MACROD2: variants seen among roughly 807,000 people sequenced by gnomAD.
MACROD2 encodes mono-ADP ribosylhydrolase 2.
A neutral mutation model predicts 70.4 loss-of-function variants in MACROD2; 36 were observed. That is an observed-to-expected ratio of 0.51 (90% confidence interval 0.39 to 0.68). The LOEUF (loss-of-function observed/expected upper bound fraction) is 0.68. Ranked by LOEUF, MACROD2 falls within the 30% of genes least tolerant of loss-of-function variation. The pLI is 0.00. For synonymous variants in MACROD2, 172 were observed against 178.8 expected (o/e 0.96, Z 0.30); for missense variants, 496 against 538.4 (o/e 0.92, Z 0.78).
intron 8 of MACROD2, among the ~76,000 whole-genome samples, chr20:15,814,953 C>G (rs1179804221): frequency 6.7e-6 from 1 of 150,102 alleles, no homozygotes; most frequent in Non-Finnish European, 1.5e-5. Flanking sequence ...TAATTATGTC[C>G]AGAAGAATGG....
At chr20:14,831,544 C>G (rs556033575) in intron 5 of MACROD2, among the ~76,000 whole-genome samples, 1 of 151,444 alleles carries the variant, frequency 6.6e-6, no homozygotes, top group Admixed American at 6.6e-5. Flanking sequence ...TTTGGGAGGC[C>G]GAGGAGGGTG....
intron 4 of MACROD2, among the ~76,000 whole-genome samples, chr20:14,638,960 A>G (rs1984944000): frequency 6.6e-6 from 1 of 152,054 alleles, no homozygotes; most frequent in African/African-American, 2.4e-5. Context: ...AAAAAAAAAA[A>G]AAAAAGAAAG....
rs544223128 is a variant in MACROD2, at chr20:14,915,871, T to G, written c.418+230912T>G. ...CTTGATGAAGGAGCAGCTTCAGAAA[T>G]TGTGTGCATCTGATGGAGGTTTGGC... On this transcript the variant is annotated intron_variant, in intron 5 of 17. Transcript: ENST00000684519. 2.0e-5 allele frequency among the ~76,000 whole-genome samples: 3 copies of G among 152,054 alleles called. No individual in the cohort carries two copies. The East Asian group carries it at 5.8e-4, about 29-fold the overall frequency.
chr20:14,579,733 A>G (rs1980882805), intron 4 of MACROD2, among the ~76,000 whole-genome samples: 1 of 152,220 alleles, frequency 6.6e-6, no homozygotes, highest in African/African-American at 2.4e-5. Context: ...GTATTTCAAA[A>G]TCTACTTTGC....
chr20:15,878,781 T>A (rs1269336932), intron 9 of MACROD2, among the ~76,000 whole-genome samples: 1 of 152,136 alleles, frequency 6.6e-6, no homozygotes, highest in Non-Finnish European at 1.5e-5. Context: ...GTGAAATCAA[T>A]GTTATAGAGC....
intron 8 of MACROD2, among the ~76,000 whole-genome samples, chr20:15,686,100 G>A (rs747521618): frequency 1.1e-4 from 16 of 152,162 alleles, no homozygotes; most frequent in Non-Finnish European, 2.4e-4. Context: ...TGATGAGTTG[G>A]CCCAAAGACA....
intron 5 of MACROD2, among the ~76,000 whole-genome samples, chr20:14,786,650 C>G (rs2072378292): frequency 6.6e-6 from 1 of 151,836 alleles, no homozygotes; most frequent in Admixed American, 6.6e-5. Context: ...CTCTTAAAAG[C>G]AAAAACTAGA....
intron 5 of MACROD2, among the ~76,000 whole-genome samples, chr20:15,169,005 A>T: frequency 6.6e-6 from 1 of 152,162 alleles, no homozygotes; most frequent in Non-Finnish European, 1.5e-5. Flanking sequence ...GGCTGGAGAG[A>T]CAGAATAATG....
chr20:15,341,046 C>G lies in MACROD2; in HGVS notation c.541-90359C>G, dbSNP rs145192087. 3.2e-3 allele frequency among the ~76,000 whole-genome samples: 480 copies of G among 152,176 alleles called. 1 individual carries two copies. The highest frequency in any genetic ancestry group is 0.01 in the African/African-American group (435 of 41,528). ...TGGGCTTCTTCTATAAATAGCTGAT[C>G]CCATATATTATGGAAAGAGAGGTTA... is the stretch of plus-strand genomic sequence containing the variant. On this transcript the variant is annotated intron_variant, in intron 6 of 17. Transcript: ENST00000684519.
chr20:15,152,697 C>T (rs1321266358), intron 5 of MACROD2, among the ~76,000 whole-genome samples: 8 of 151,976 alleles, frequency 5.3e-5, no homozygotes, highest in African/African-American at 1.2e-4. Context: ...TGGGACTTGC[C>T]GCTAAGGGTG....
At chr20:15,291,801 C>G (rs1286102597) in intron 6 of MACROD2, among the ~76,000 whole-genome samples, 2 of 152,054 alleles carry the variant, frequency 1.3e-5, no homozygotes, top group South Asian at 2.1e-4. Context: ...ACATATAAAT[C>G]ATCTTTGTTT....
intron 5 of MACROD2, among the ~76,000 whole-genome samples, chr20:14,805,204 G>A (rs912022346): frequency 6.6e-6 from 1 of 151,978 alleles, no homozygotes; most frequent in Non-Finnish European, 1.5e-5. Context: ...GTTGGTTGCT[G>A]GATGCTTTCT....
chr20:15,459,856 T>C (rs1217633744), intron 7 of MACROD2, among the ~76,000 whole-genome samples: 2 of 152,096 alleles, frequency 1.3e-5, no homozygotes, highest in African/African-American at 2.4e-5. Flanking sequence ...CCAAATTTTC[T>C]TTTGGGGGCC....
At position 14,481,094 on chromosome 20, in the gene MACROD2, CAT is replaced by C. The variant is rs146934121; in HGVS notation, c.272-12380_272-12379del. Among the ~76,000 whole-genome samples, 1,135 of 152,104 alleles carry C rather than the reference CAT, an allele frequency of 7.5e-3. 6 individuals carry two copies. The highest frequency in any genetic ancestry group is 0.024 in the African/African-American group (1,015 of 41,506). Reference sequence around the variant, plus strand: ...ATAGAAAACTTAGGACAAATGAAAACATATATTTTACTTTCATTTTGTGTATT... The same window carrying C: ...ATAGAAAACTTAGGACAAATGAAAACATATTTTACTTTCATTTTGTGTATT... On this transcript the variant is annotated intron_variant, in intron 3 of 17. Transcript: ENST00000684519.
At chr20:14,682,901 C>T (rs566418890) in intron 4 of MACROD2, among the ~76,000 whole-genome samples, 9 of 151,896 alleles carry the variant, frequency 5.9e-5, no homozygotes, top group African/African-American at 1.7e-4. Flanking sequence ...TTTTTTGAGA[C>T]GGAGTTTCAC....
intron 12 of MACROD2, among the ~76,000 whole-genome samples, chr20:15,941,933 C>T (rs2065756193): frequency 6.6e-6 from 1 of 152,038 alleles, no homozygotes; most frequent in South Asian, 2.1e-4. Flanking sequence ...TTGGTTTCCA[C>T]AGGAAATTAG....
In MACROD2 at chr20:15,081,946, G is replaced by T. The variant is rs144232798; in HGVS notation, c.419-147994G>T. ...TTACTTTTTGAAGCTAATTGTGCTG[G>T]AATGGGACATAGTCCAGGAGGTATG... On this transcript the variant is annotated intron_variant, in intron 5 of 17. Coordinates refer to ENST00000684519, the MANE Select transcript of MACROD2 (RefSeq NM_001351661.2). 6.6e-5 allele frequency among the ~76,000 whole-genome samples: 10 copies of T among 152,280 alleles called. No homozygotes were observed. The East Asian group carries it at 1.9e-3, about 29-fold the overall frequency.
chr20:15,960,125 A>T (rs1365196178), intron 12 of MACROD2, among the ~76,000 whole-genome samples: 1 of 152,134 alleles, frequency 6.6e-6, no homozygotes, highest in Non-Finnish European at 1.5e-5. Context: ...GAGCTGATCA[A>T]TTCCTTTCAC....
intron 5 of MACROD2, among the ~76,000 whole-genome samples, chr20:14,739,058 AG>A (rs1310223628): frequency 6.6e-6 from 1 of 152,166 alleles, no homozygotes; most frequent in Admixed American, 6.5e-5. Flanking sequence ...TGATGAAGTA[AG>A]GTATATCAAG....
Sources: gnomAD v4.1 joint callset for allele counts (sites outside exome capture counted in the v4.1 genomes callset) on GRCh38, gnomAD v4.1.1 for gene constraint, MANE v1.5 for transcripts, NCBI Gene and HGNC (gene_info 2026-07-23, HGNC 2026-07-21) for gene names.